The following TRHDE variants were observed in gnomAD, a reference collection of about 807,000 sequenced individuals.
The protein encoded by TRHDE is thyrotropin-releasing hormone-degrading ectoenzyme.
In TRHDE, 72 loss-of-function variants were observed where a neutral mutation model predicts 125.7. That is an observed-to-expected ratio of 0.57 (90% CI 0.47 to 0.70). The LOEUF is 0.70. TRHDE is among the 30% of genes least tolerant of loss of function. The probability of loss-of-function intolerance (pLI) is 0.00; values close to 1 mark genes in which losing one functional copy is unlikely to be tolerated. For missense variants in TRHDE, 1,110 were observed against 1,327.1 expected, an observed-to-expected ratio of 0.84 and a Z score of 2.54; for synonymous variants, 509 against 509.1, an observed-to-expected ratio of 1.00 and a Z score of 0.00.
At chr12:72,521,433 A>T (rs892008656) in intron 6 of TRHDE, among the ~76,000 whole-genome samples, 1 of 152,182 alleles carries the variant, frequency 6.6e-6, no homozygotes, top group Non-Finnish European at 1.5e-5. Flanking sequence ...GGAGATGAGC[A>T]TGGTGTAGAG....
At chr12:72,477,155 T>C (rs1009315440) in intron 5 of TRHDE, among the ~76,000 whole-genome samples, 1 of 152,170 alleles carries the variant, frequency 6.6e-6, no homozygotes, top group African/African-American at 2.4e-5. Flanking sequence ...AAATAACTTA[T>C]GAGGTCTTTG....
chr12:72,306,639 A>T, intron 2 of TRHDE: 1 of 152,252 alleles, frequency 6.6e-6, no homozygotes, highest in Middle Eastern at 3.4e-3. Context: ...ACCAATATTT[A>T]CTTAAATTTT....
chr12:72,110,300 C>A (rs1027810042), intron 2 of TRHDE, among the ~76,000 whole-genome samples: 2 of 152,068 alleles, frequency 1.3e-5, no homozygotes, highest in African/African-American at 2.4e-5. Context: ...ATCCTGTGGG[C>A]ATTTCATTCC....
chr12:72,464,475 GA>G, intron 3 of TRHDE, among the ~76,000 whole-genome samples: 2 of 152,142 alleles, frequency 1.3e-5, no homozygotes, highest in Non-Finnish European at 2.9e-5. Flanking sequence ...TCACATGGCA[GA>G]AGAGACCCAC....
chr12:72,104,411 A>G (rs6582086), intron 1 of TRHDE, among the ~76,000 whole-genome samples: 108,584 of 152,064 alleles, frequency 0.71, 40,072 homozygotes, highest in Non-Finnish European at 0.81. Flanking sequence ...TTAAAGATTA[A>G]TGTAATACTT....
chr12:72,225,898 G>C (rs1878118837), intron 2 of TRHDE, among the ~76,000 whole-genome samples: 1 of 152,174 alleles, frequency 6.6e-6, no homozygotes, highest in African/African-American at 2.4e-5. Flanking sequence ...AGGAACCAGA[G>C]ACCGATTGTT....
intron 17 of TRHDE, among the ~76,000 whole-genome samples, chr12:72,654,837 C>A (rs1343949595): frequency 6.6e-6 from 1 of 152,150 alleles, no homozygotes; most frequent in Non-Finnish European, 1.5e-5. Flanking sequence ...AGTACTCTTA[C>A]AATAATAGCC....
In TRHDE at chr12:72,562,803, G is replaced by A. The variant is rs760383459; in HGVS notation, c.1855-50G>A. 4 of 1,207,020 alleles carry A rather than the reference G, an allele frequency of 3.3e-6. No individual in the cohort carries two copies. In the Admixed American group the frequency reaches 7.8e-5, roughly 23 times the overall value. The allele number at this position is 1,207,020 out of a possible 1,614,324, so 74.8% of individuals were successfully genotyped here. On this transcript the variant is annotated intron_variant, in intron 8 of 18. Coordinates refer to ENST00000261180, the MANE Select transcript of TRHDE (RefSeq NM_013381.3). ...ATAAAAATGTCTTAATGTTAATAAT[G>A]TTGATAATTCATGTTTATAAAACTA...
intron 2 of TRHDE, among the ~76,000 whole-genome samples, chr12:72,120,924 C>T (rs943754036): frequency 1.3e-5 from 2 of 151,848 alleles, no homozygotes; most frequent in African/African-American, 4.8e-5. Context: ...GTGGTCTGCC[C>T]CACTCAGCCT....
chr12:72,250,836 A>C (rs1210086235), intron 2 of TRHDE, among the ~76,000 whole-genome samples: 2 of 97,440 alleles, frequency 2.1e-5, no homozygotes, highest in Non-Finnish European at 4.2e-5. Flanking sequence ...TATGACTTAC[A>C]GATATATATA....
chr12:72,115,122 G>T (rs1875412856), intron 2 of TRHDE, among the ~76,000 whole-genome samples: 1 of 151,742 alleles, frequency 6.6e-6, no homozygotes, highest in Non-Finnish European at 1.5e-5. Flanking sequence ...ATTTTAAAAT[G>T]TACAGTTATT....
At chr12:72,447,885 A>C (rs1307889400) in intron 3 of TRHDE, among the ~76,000 whole-genome samples, 1 of 152,024 alleles carries the variant, frequency 6.6e-6, no homozygotes, top group Non-Finnish European at 1.5e-5. Flanking sequence ...CTTTCTTGGC[A>C]CATTACCTGA....
intron 7 of TRHDE, among the ~76,000 whole-genome samples, chr12:72,551,970 G>T (rs970780334): frequency 6.6e-6 from 1 of 152,052 alleles, no homozygotes; most frequent in African/African-American, 2.4e-5. Flanking sequence ...CCTACAAAGG[G>T]TTAAGACAAG....
chr12:72,202,029 T>C (rs1168733381), intron 2 of TRHDE, among the ~76,000 whole-genome samples: 1 of 152,258 alleles, frequency 6.6e-6, no homozygotes, highest in Admixed American at 6.5e-5. Context: ...GGATGAGATA[T>C]TTGTACTGGC....
chr12:72,198,900 G>A (rs934862065), intron 2 of TRHDE, among the ~76,000 whole-genome samples: 3 of 151,908 alleles, frequency 2.0e-5, no homozygotes, highest in Non-Finnish European at 4.4e-5. Flanking sequence ...GAAGGTGAAG[G>A]GGGAGCAGGC....
intron 2 of TRHDE, among the ~76,000 whole-genome samples, chr12:72,316,106 A>G (rs183669560): frequency 1.2e-4 from 18 of 152,282 alleles, no homozygotes; most frequent in African/African-American, 4.1e-4. Flanking sequence ...TTGTCATTGA[A>G]TATATTCTAT....
At chr12:72,151,234 T>G (rs938998292) in intron 2 of TRHDE, among the ~76,000 whole-genome samples, 1 of 152,230 alleles carries the variant, frequency 6.6e-6, no homozygotes, top group African/African-American at 2.4e-5. Context: ...TCACCCACTT[T>G]TTGATGGAGT....
intron 2 of TRHDE, among the ~76,000 whole-genome samples, chr12:72,300,974 T>C (rs1287340000): frequency 6.6e-6 from 1 of 152,120 alleles, no homozygotes; most frequent in East Asian, 1.9e-4. Context: ...TCCCCTCCTC[T>C]CTTACTTTCA....
chr12:72,581,307 G>C (rs1224176124), intron 12 of TRHDE, among the ~76,000 whole-genome samples: 3 of 152,198 alleles, frequency 2.0e-5, no homozygotes, highest in Non-Finnish European at 4.4e-5. Flanking sequence ...AACATGCTCT[G>C]AGTACAATTT....
Sources: gnomAD v4.1 joint callset for allele counts (sites outside exome capture counted in the v4.1 genomes callset) on GRCh38, gnomAD v4.1.1 for gene constraint, MANE v1.5 for transcripts, NCBI Gene and HGNC (gene_info 2026-07-23, HGNC 2026-07-21) for gene names.